The following VMP1 variants were observed in gnomAD, a reference collection of about 807,000 sequenced individuals.
VMP1 encodes ectopic P-granules autophagy protein 3 homolog.
VMP1 carries 11 observed loss-of-function variants against 56.0 expected under a neutral mutation model. That is an observed-to-expected ratio of 0.20 (90% CI 0.12 to 0.32). The LOEUF is 0.32. VMP1 is among the 10% of genes least tolerant of loss of function. VMP1 has a pLI of 1.00. For synonymous variants in VMP1, 149 were observed against 165.0 expected (o/e 0.90, Z 0.74); for missense variants, 296 against 490.3 (o/e 0.60, Z 3.74).
At chr17:59,710,382 G>C (rs1176603746) in intron 1 of VMP1, among the ~76,000 whole-genome samples, 2 of 152,102 alleles carry the variant, frequency 1.3e-5, no homozygotes, top group Admixed American at 6.6e-5. Context: ...GAACTGTAAG[G>C]TCTCAAGTGT....
At chr17:59,809,284 A>C (rs1288114392) in intron 8 of VMP1, among the ~76,000 whole-genome samples, 4 of 139,132 alleles carry the variant, frequency 2.9e-5, no homozygotes, top group African/African-American at 1.1e-4. Flanking sequence ...GGCATGAGCC[A>C]CTACACCTGG....
chr17:59,814,717 T>G (rs1237554491), intron 9 of VMP1, among the ~76,000 whole-genome samples: 2 of 152,134 alleles, frequency 1.3e-5, no homozygotes, highest in African/African-American at 4.8e-5. Context: ...AAGATAAAGC[T>G]CTTTCCCTGT....
At chr17:59,735,307 C>G (rs886453735) in intron 2 of VMP1, 31 bp from the exon 3 acceptor site, 18 of 1,601,326 alleles carry the variant, frequency 1.1e-5, no homozygotes, top group Non-Finnish European at 1.5e-5. Flanking sequence ...GTTAGAAATT[C>G]TGTTTTAATC....
At chr17:59,797,697 T>C (rs2037493420) in intron 7 of VMP1, among the ~76,000 whole-genome samples, 1 of 152,186 alleles carries the variant, frequency 6.6e-6, no homozygotes, top group South Asian at 2.1e-4. Flanking sequence ...ACCAATGTGG[T>C]GAAACCCTGT....
rs771126869 is a variant in VMP1 at position 59,838,591 on chromosome 17, A to C, written c.1077+194A>C. 6.9e-6 allele frequency: 4 copies of C among 575,578 alleles called. No homozygotes were observed. In the African/African-American group the frequency reaches 7.5e-5, roughly 11 times the overall value. 35.7% of individuals were successfully genotyped at this position (575,578 alleles called of 1,614,324 possible). A position where few individuals can be genotyped will look rare whatever the true frequency, so the allele number is the denominator to read the frequency against. On this transcript the variant is annotated intron_variant, in intron 11 of 11. Transcript: ENST00000262291. ...AGACTAGAAAGTGTAACTTCTGTAC[A>C]TCTTCTCCTAAAAACAAGGGTAGAG...
Position 59,772,539 on chromosome 17 carries a change from C to T in VMP1, c.583-1215C>T, listed in dbSNP as rs370928153. 6.5e-4 allele frequency among the ~76,000 whole-genome samples: 99 copies of T among 151,876 alleles called. 1 individual carries two copies. The East Asian group carries it at 0.017, about 26-fold the overall frequency. On this transcript the variant is annotated intron_variant, in intron 6 of 11. Coordinates refer to ENST00000262291, the MANE Select transcript of VMP1 (RefSeq NM_030938.5). ...ATCCCAGCACTTTGGGAGGCCGAGG[C>T]GGGTGAATCACCTAAAGTCAGGAGT...
chr17:59,782,162 G>T (rs996415120), intron 7 of VMP1, among the ~76,000 whole-genome samples: 1 of 152,102 alleles, frequency 6.6e-6, no homozygotes, highest in Non-Finnish European at 1.5e-5. Context: ...GCCAGCCTTG[G>T]CCTCCCAAAG....
chr17:59,776,175 G>A (rs2036611561), intron 7 of VMP1, among the ~76,000 whole-genome samples: 1 of 151,966 alleles, frequency 6.6e-6, no homozygotes, highest in South Asian at 2.1e-4. Context: ...TTGCACTACT[G>A]TACTCTACCC....
At chr17:59,710,196 CAA>C (rs542057506) in intron 1 of VMP1, among the ~76,000 whole-genome samples, 1 of 144,348 alleles carries the variant, frequency 6.9e-6, no homozygotes. Flanking sequence ...GACTCCGTCT[CAA>C]AAAAAAAAGA....
intron 3 of VMP1, among the ~76,000 whole-genome samples, chr17:59,737,153 A>C (rs1320589712): frequency 6.6e-6 from 1 of 152,246 alleles, no homozygotes; most frequent in Non-Finnish European, 1.5e-5. Flanking sequence ...TCTGACTTGA[A>C]GGCCAGTGCT....
intron 7 of VMP1, among the ~76,000 whole-genome samples, chr17:59,795,980 T>C (rs1459883172): frequency 6.6e-6 from 1 of 152,238 alleles, no homozygotes; most frequent in African/African-American, 2.4e-5. Context: ...TGCTGTGTCA[T>C]TTTAATATCA....
intron 1 of VMP1, among the ~76,000 whole-genome samples, chr17:59,722,839 C>T (rs1004181866): frequency 6.6e-6 from 1 of 152,146 alleles, no homozygotes; most frequent in African/African-American, 2.4e-5. Flanking sequence ...TGTGATTGCT[C>T]TACTGCATGC....
chr17:59,710,937 G>T (rs2143686985), intron 1 of VMP1, among the ~76,000 whole-genome samples: 1 of 152,280 alleles, frequency 6.6e-6, no homozygotes, highest in East Asian at 1.9e-4. Context: ...GCTGGGTGTG[G>T]TGGCAGACGC....
intron 10 of VMP1, among the ~76,000 whole-genome samples, chr17:59,822,326 C>CT (rs774358954): frequency 0.15 from 18,665 of 125,268 alleles, 1,863 homozygotes; most frequent in Middle Eastern, 0.2. Context: ...GTAGGAAATA[C>CT]TTTTTTTTTT....
intron 1 of VMP1, among the ~76,000 whole-genome samples, chr17:59,718,514 C>G (rs2034264430): frequency 6.7e-6 from 1 of 150,304 alleles, no homozygotes; most frequent in African/African-American, 2.4e-5. Flanking sequence ...CTTTTCTTTT[C>G]CTTTCTCTTA....
At chr17:59,825,273 G>A (rs2038610926) in intron 10 of VMP1, among the ~76,000 whole-genome samples, 1 of 151,344 alleles carries the variant, frequency 6.6e-6, no homozygotes, top group South Asian at 2.1e-4. Context: ...AGGATTTCAC[G>A]ATGTTGGCTA....
intron 7 of VMP1, among the ~76,000 whole-genome samples, chr17:59,793,178 A>G (rs1392775567): frequency 9.1e-6 from 1 of 110,414 alleles, no homozygotes; most frequent in East Asian, 2.6e-4. Context: ...ACACCCAGCT[A>G]ATTTTCTAAT....
intron 7 of VMP1, among the ~76,000 whole-genome samples, chr17:59,785,482 T>G (rs1055037785): frequency 6.6e-6 from 1 of 152,132 alleles, no homozygotes; most frequent in Non-Finnish European, 1.5e-5. Flanking sequence ...AAGACCAGCC[T>G]GACCAACATG....
intron 9 of VMP1, 74 bp downstream of exon 9, chr17:59,811,860 A>T (rs2038061672): frequency 1.9e-6 from 2 of 1,063,944 alleles, no homozygotes; most frequent in Non-Finnish European, 2.8e-6. Context: ...CTCATTCCTA[A>T]GTGAATTATT....
Sources: allele counts gnomAD v4.1 joint callset (sites outside exome capture counted in the v4.1 genomes callset), GRCh38; gene constraint gnomAD v4.1.1; transcripts MANE v1.5; gene names NCBI Gene and HGNC (gene_info 2026-07-23, HGNC 2026-07-21).